TCERG1: variants seen among roughly 807,000 people sequenced by gnomAD.
The protein encoded by TCERG1 is transcription elongation regulator 1.
TCERG1 carries 37 observed loss-of-function variants against 144.7 expected under a neutral mutation model. That is an observed-to-expected ratio of 0.26 (90% confidence interval 0.20 to 0.34). The LOEUF (loss-of-function observed/expected upper bound fraction) is 0.34. Among genes scored for constraint, TCERG1 ranks in the 10% least tolerant of loss-of-function variants. The probability of loss-of-function intolerance (pLI) is 1.00; values close to 1 mark genes in which losing one functional copy is unlikely to be tolerated. For synonymous variants in TCERG1, 492 were observed against 458.2 expected (o/e 1.07, Z -0.94); for missense variants, 1,027 against 1,380.7 (o/e 0.74, Z 4.06).
chr5:146,447,373 G>C lies in TCERG1; in HGVS notation c.24G>C (p.Gly8=). The C allele has an allele frequency of 6.2e-7, 1 of 1,611,692 alleles. No homozygotes were observed. Among genetic ancestry groups the C allele is most frequent in the African/African-American group, 1.3e-5 (1 of 74,814 alleles). MAERGGD[G]GESERFNPGE... ...TAATGGCGGAGCGTGGCGGGGACGG[G>C]GGCGAGAGTGAACGATTCAACCCGG... Residue 8 remains glycine (G), a synonymous_variant, in exon 1 of 23, where the codon GGG becomes GGC. Transcript: ENST00000679501.
At chr5:146,492,794 G>C in intron 15 of TCERG1, 126 bp from the exon 16 acceptor site, 1 of 647,434 alleles carries the variant, frequency 1.5e-6, no homozygotes. Flanking sequence ...GATTATCTGT[G>C]TATAATTATC....
intron 15 of TCERG1, among the ~76,000 whole-genome samples, chr5:146,484,320 A>G (rs942190873): frequency 6.6e-6 from 1 of 152,140 alleles, no homozygotes; most frequent in African/African-American, 2.4e-5. Flanking sequence ...TGCCTCTTCT[A>G]AAGCATTGCA....
At chr5:146,456,696 T>G (rs1762860350) in intron 2 of TCERG1, among the ~76,000 whole-genome samples, 1 of 152,244 alleles carries the variant, frequency 6.6e-6, no homozygotes, top group Non-Finnish European at 1.5e-5. Flanking sequence ...TGAATTTTAA[T>G]GTTACTTACA....
chr5:146,472,500 C>G (rs1340002090), intron 9 of TCERG1, among the ~76,000 whole-genome samples: 1 of 152,064 alleles, frequency 6.6e-6, no homozygotes, highest in Non-Finnish European at 1.5e-5. Flanking sequence ...GTGCCACAAA[C>G]CACACCCATG....
In TCERG1 at chr5:146,463,553, C is replaced by T. The variant is rs756866326; in HGVS notation, c.895C>T (p.Pro299Ser). 1.2e-6 allele frequency: 2 copies of T among 1,613,946 alleles called. No individual in the cohort carries two copies. Among genetic ancestry groups the T allele is most frequent in the African/African-American group, 1.3e-5 (1 of 74,864 alleles). The change falls in exon 5 of 23, where the codon CCC becomes TCC. Residue 299 changes from proline (P) to serine (S), a missense_variant and splice_region_variant. This residue lies in a region of TCERG1 where 187 missense variants were observed against 169.1 expected (regional missense o/e 1.11). Coordinates refer to ENST00000679501, the MANE Select transcript of TCERG1 (RefSeq NM_001382548.1). Reference sequence around the variant, plus strand: ...GTTTTTGTTTTATCTTTTATCAGCACCCACAACACAAGATCAGACCCCAAG... The same window carrying T: ...GTTTTTGTTTTATCTTTTATCAGCATCCACAACACAAGATCAGACCCCAAG... ...ATSVAQTVST[P>S]TTQDQTPSSA...
In TCERG1 at chr5:146,474,983, T is replaced by A. The variant is rs149321847; in HGVS notation, c.1601+3407T>A. On this transcript the variant is annotated intron_variant, in intron 9 of 22. Coordinates refer to ENST00000679501, the MANE Select transcript of TCERG1 (RefSeq NM_001382548.1). ...AATATCCGAGGTACGCCTGTCTACT[T>A]CTTTTTTTCTCTTATCTTGTTTTTC... Among the ~76,000 whole-genome samples the A allele has an allele frequency of 4.0e-3, 610 of 152,294 alleles. 3 individuals are homozygous for A. Among genetic ancestry groups the A allele is most frequent in the African/African-American group, 0.014 (590 of 41,556 alleles).
At chr5:146,455,943 A>G (rs1272703533) in intron 2 of TCERG1, among the ~76,000 whole-genome samples, 1 of 152,208 alleles carries the variant, frequency 6.6e-6, no homozygotes, top group Non-Finnish European at 1.5e-5. Flanking sequence ...CAAATGTCTC[A>G]TTTTGGGATT....
chr5:146,487,593 G>A lies in TCERG1; in HGVS notation c.2163+3964G>A, dbSNP rs939686069. ...TACAAAAAAATGCAAGAACTAGCCA[G>A]GTGTGGTGTCGTGCACCTATAGTCC... On this transcript the variant is annotated intron_variant, in intron 15 of 22. Transcript: ENST00000679501. Among the ~76,000 whole-genome samples, 10 of 152,238 alleles carry A rather than the reference G, an allele frequency of 6.6e-5. No homozygotes were observed. In the East Asian group the frequency reaches 1.9e-3, roughly 29 times the overall value.
intron 8 of TCERG1, 103 bp downstream of exon 8, chr5:146,470,851 A>AATTTG: frequency 1.2e-6 from 1 of 813,810 alleles, no homozygotes; most frequent in Non-Finnish European, 1.8e-6. Flanking sequence ...AATTGTTATA[A>AATTTG]ATTTGATCTC....
intron 8 of TCERG1, among the ~76,000 whole-genome samples, chr5:146,471,282 A>G (rs930789290): frequency 6.6e-6 from 1 of 152,184 alleles, no homozygotes; most frequent in Non-Finnish European, 1.5e-5. Flanking sequence ...AGATAGGACA[A>G]GCTGCTGCTG....
At chr5:146,453,317 A>C (rs1762520524) in intron 1 of TCERG1, among the ~76,000 whole-genome samples, 1 of 152,146 alleles carries the variant, frequency 6.6e-6, no homozygotes, top group Non-Finnish European at 1.5e-5. Context: ...AAATTTACAA[A>C]ATGTCGCAAA....
At chr5:146,454,125 C>T (rs1414169508) in intron 1 of TCERG1, among the ~76,000 whole-genome samples, 10 of 150,966 alleles carry the variant, frequency 6.6e-5, no homozygotes, top group South Asian at 2.1e-4. Flanking sequence ...CGCCTGAACC[C>T]GGGAGGCGGA....
At chr5:146,485,975 G>A (rs923623668) in intron 15 of TCERG1, among the ~76,000 whole-genome samples, 2 of 152,144 alleles carry the variant, frequency 1.3e-5, no homozygotes, top group Admixed American at 1.3e-4. Flanking sequence ...GATTACAGGC[G>A]TGAGCCACCA....
intron 8 of TCERG1, 152 bp from the exon 9 acceptor site, chr5:146,471,336 G>A (rs1040315919): frequency 3.1e-6 from 2 of 655,374 alleles, no homozygotes; most frequent in Non-Finnish European, 5.1e-6. Flanking sequence ...TGGGGGATGA[G>A]GATTTAGAAC....
Position 146,493,054 on chromosome 5 carries a change from C to T in TCERG1, c.2282+16C>T, listed in dbSNP as rs1347583359. 15 of 1,479,432 alleles carry T rather than the reference C, an allele frequency of 1.0e-5. No homozygotes were observed. The African/African-American group carries it at 2.1e-4, about 21-fold the overall frequency. 91.6% of individuals were successfully genotyped at this position (1,479,432 alleles called of 1,614,324 possible). On this transcript the variant is annotated intron_variant, in intron 16 of 22. Coordinates refer to ENST00000679501, the MANE Select transcript of TCERG1 (RefSeq NM_001382548.1). ...TTAATCCAAGGTATGTGGTTTGTTTCTCTTAAATATCAAAGTGTATTTATT... is the reference window on the plus strand; with the variant it reads ...TTAATCCAAGGTATGTGGTTTGTTTTTCTTAAATATCAAAGTGTATTTATT...
chr5:146,458,870 TGC>T lies in TCERG1; in HGVS notation c.439-13_439-12del, dbSNP rs1258963392. 5 of 1,582,328 alleles carry T rather than the reference TGC, an allele frequency of 3.2e-6. No homozygotes were observed. The highest frequency in any genetic ancestry group is 3.7e-5 in the Admixed American group (2 of 54,552). ...CAGATTTTATGATACCATTGATTTT[TGC>T]TTCCGCTGCAGGTTTATTATTATAA... On this transcript the variant is annotated splice_polypyrimidine_tract_variant and intron_variant, in intron 3 of 22. Transcript: ENST00000679501.
chr5:146,463,920 T>C, intron 5 of TCERG1, 127 bp downstream of exon 5: 1 of 1,321,768 alleles, frequency 7.6e-7, no homozygotes, highest in Non-Finnish European at 1.0e-6. Flanking sequence ...TTTGAAAGAT[T>C]CATGGCTAAC....
chr5:146,487,447 A>G (rs1270125304), intron 15 of TCERG1, among the ~76,000 whole-genome samples: 2 of 152,106 alleles, frequency 1.3e-5, no homozygotes, highest in Non-Finnish European at 2.9e-5. Flanking sequence ...ACAGAATGTC[A>G]CTGGAAGAAA....
In TCERG1 at chr5:146,511,924, C is replaced by G. The variant is rs981580599; in HGVS notation, c.*1282C>G. 1 of 151,994 alleles carries G rather than the reference C, an allele frequency of 6.6e-6. No individual in the cohort carries two copies. The highest frequency in any genetic ancestry group is 1.5e-5 in the Non-Finnish European group (1 of 68,006). The allele number at this position is 151,994 out of a possible 1,614,324, so 9.4% of individuals were successfully genotyped here. A position where few individuals can be genotyped will look rare whatever the true frequency, so the allele number is the denominator to read the frequency against. ...TTATTTTATGCCTTCATAGGTTGCT[C>G]GTTTCAGAGTGCCACATAAATAAAA... is the stretch of plus-strand genomic sequence containing the variant. On this transcript the variant is annotated 3_prime_UTR_variant, in exon 23 of 23. Transcript: ENST00000679501.
Sources: gnomAD v4.1 joint callset for allele counts (sites outside exome capture counted in the v4.1 genomes callset) on GRCh38, gnomAD v4.1.1 for gene constraint, gnomAD v4.1.1 regional missense constraint, MANE v1.5 for transcripts, NCBI Gene and HGNC (gene_info 2026-07-23, HGNC 2026-07-21) for gene names.